The following MIPEP variants were observed in gnomAD, a reference collection of about 807,000 sequenced individuals.
MIPEP encodes mitochondrial intermediate peptidase.
A neutral mutation model predicts 90.3 loss-of-function variants in MIPEP; 79 were observed. The observed-to-expected ratio is 0.87, with a 90% CI of 0.73 to 1.05. The LOEUF (loss-of-function observed/expected upper bound fraction) is 1.05. Among genes scored for constraint, MIPEP ranks in the 50% least tolerant of loss-of-function variants. The probability of loss-of-function intolerance (pLI) is 0.00; values close to 1 mark genes in which losing one functional copy is unlikely to be tolerated. For missense variants in MIPEP, 940 were observed against 905.6 expected (o/e 1.04, Z -0.49); for synonymous variants, 334 against 315.8 (o/e 1.06, Z -0.61).
At chr13:23,883,916 A>C (rs1169639275) in intron 2 of MIPEP, among the ~76,000 whole-genome samples, 1 of 152,148 alleles carries the variant, frequency 6.6e-6, no homozygotes, top group African/African-American at 2.4e-5. Context: ...GTACAACAGA[A>C]CTACTCAGAG....
chr13:23,834,198 C>A (rs945561577), intron 14 of MIPEP, among the ~76,000 whole-genome samples: 3 of 152,184 alleles, frequency 2.0e-5, no homozygotes, highest in Non-Finnish European at 4.4e-5. Flanking sequence ...CAGGCTCTAT[C>A]CGCACCCCCT....
chr13:23,753,311 T>C (rs947565242), intron 18 of MIPEP, among the ~76,000 whole-genome samples: 7 of 152,072 alleles, frequency 4.6e-5, no homozygotes, highest in African/African-American at 1.7e-4. Flanking sequence ...GCAAGGAAAT[T>C]AAGTGACTTT....
At chr13:23,776,714 A>T (rs566085380) in intron 16 of MIPEP, among the ~76,000 whole-genome samples, 1 of 152,212 alleles carries the variant, frequency 6.6e-6, no homozygotes, top group East Asian at 1.9e-4. Context: ...AAAGTAGAAT[A>T]AGCAAAATCA....
At chr13:23,860,124 A>C (rs1435180757) in intron 9 of MIPEP, among the ~76,000 whole-genome samples, 1 of 152,264 alleles carries the variant, frequency 6.6e-6, no homozygotes. Context: ...AGGGCAAGTG[A>C]CTCAACAATC....
intron 16 of MIPEP, among the ~76,000 whole-genome samples, chr13:23,766,671 T>G (rs1952594056): frequency 6.6e-6 from 1 of 152,208 alleles, no homozygotes. Context: ...ACTGACAGTT[T>G]ACCAAAACCC....
At chr13:23,873,149 T>C (rs1381378825) in intron 5 of MIPEP, among the ~76,000 whole-genome samples, 1 of 152,196 alleles carries the variant, frequency 6.6e-6, no homozygotes, top group Non-Finnish European at 1.5e-5. Flanking sequence ...GGCGTGAGGA[T>C]GAAGCCTTCA....
intron 5 of MIPEP, among the ~76,000 whole-genome samples, chr13:23,874,532 A>G (rs1254640760): frequency 1.3e-5 from 2 of 152,212 alleles, no homozygotes; most frequent in Non-Finnish European, 2.9e-5. Context: ...CCAATCTTCA[A>G]TGACATCAGC....
rs180687023 is a variant in MIPEP, at chr13:23,756,488, T to G, written c.2044+57A>C. On this transcript the variant is annotated intron_variant, in intron 18 of 18. Transcript: ENST00000382172. ...ATTTTCTTTAAATGAAAAAAACATA[T>G]GGAGAAAACATAAATCAGCTTTCAT... 1.1e-4 allele frequency: 175 copies of G among 1,538,032 alleles called. 5 individuals are homozygous for G. In the East Asian group the frequency reaches 2.7e-3, roughly 24 times the overall value.
chr13:23,883,464 C>A (rs951141348), intron 2 of MIPEP, among the ~76,000 whole-genome samples: 2 of 152,116 alleles, frequency 1.3e-5, no homozygotes, highest in African/African-American at 4.8e-5. Flanking sequence ...CCCACAGATA[C>A]CCGAATCCAC....
chr13:23,885,469 A>C (rs1871435271), intron 2 of MIPEP, among the ~76,000 whole-genome samples: 1 of 152,200 alleles, frequency 6.6e-6, no homozygotes, highest in South Asian at 2.1e-4. Context: ...TGTAACAGAA[A>C]GGATAAATGC....
intron 17 of MIPEP, among the ~76,000 whole-genome samples, chr13:23,758,586 A>G (rs1194691206): frequency 6.6e-6 from 1 of 152,240 alleles, no homozygotes; most frequent in Non-Finnish European, 1.5e-5. Flanking sequence ...AAACTGATTT[A>G]CTGATGTCAA....
Position 23,886,431 on chromosome 13 carries a change from C to G in MIPEP, c.265G>C (p.Glu89Gln), listed in dbSNP as rs1871485725. ...GAACATGCACGGTCCACAAGCAATT[C>G]TGTCTTTCTCAAGGCTTTTTCTTGT... Reference protein sequence around the residue: ...IAQEKALRKTELLVDRACSTP... With the variant: ...IAQEKALRKTQLLVDRACSTP... The change falls in exon 2 of 19, where the codon GAA becomes CAA. Residue 89 changes from glutamate (E) to glutamine (Q), a missense_variant. Glu to Gln is a conservative substitution (Grantham distance 29). Coordinates refer to ENST00000382172, the MANE Select transcript of MIPEP (RefSeq NM_005932.4). The G allele has an allele frequency of 8.1e-6, 13 of 1,608,156 alleles. No individual in the cohort carries two copies. In the South Asian group the frequency reaches 1.4e-4, roughly 18 times the overall value.
intron 16 of MIPEP, among the ~76,000 whole-genome samples, chr13:23,799,088 C>T (rs1194505512): frequency 1.4e-5 from 2 of 141,168 alleles, no homozygotes; most frequent in African/African-American, 2.6e-5. Context: ...ACTGCAACTG[C>T]CACCTCCCAG....
At chr13:23,862,248 G>T in intron 9 of MIPEP, 54 bp downstream of exon 9, 1 of 1,066,718 alleles carries the variant, frequency 9.4e-7, no homozygotes, top group Middle Eastern at 2.1e-4. Context: ...AAAAGATATT[G>T]ATTTCAGTTG....
Position 23,888,508 on chromosome 13 carries a change from C to G in MIPEP, c.189+624G>C, listed in dbSNP as rs547009115. Among the ~76,000 whole-genome samples, 7 of 152,292 alleles carry G rather than the reference C, an allele frequency of 4.6e-5. No homozygotes were observed. In the East Asian group the frequency reaches 1.4e-3, roughly 29 times the overall value. ...TGCCTTCCTCTCACCTTTCACTAGA[C>G]AACGCAGGCTAGTGACTTCCTGGGG... On this transcript the variant is annotated intron_variant, in intron 1 of 18. Transcript: ENST00000382172.
chr13:23,836,392 T>C (rs1869050177), intron 13 of MIPEP, 43 bp from the exon 14 acceptor site: 2 of 1,183,554 alleles, frequency 1.7e-6, no homozygotes, highest in Admixed American at 2.5e-5. Context: ...ATCAAATCAA[T>C]ATATTTATCT....
At chr13:23,790,862 G>A (rs987539352) in intron 16 of MIPEP, among the ~76,000 whole-genome samples, 8 of 152,126 alleles carry the variant, frequency 5.3e-5, no homozygotes, top group Admixed American at 2.0e-4. Context: ...CTGGCCTCTC[G>A]ACTCCTTGAC....
intron 4 of MIPEP, 118 bp from the exon 5 acceptor site, chr13:23,875,027 A>AACACAC (rs10595689): frequency 0.027 from 10,791 of 398,474 alleles, 53 homozygotes; most frequent in Non-Finnish European, 0.031. Context: ...GTTTCTTCAA[A>AACACAC]ACACACACAC....
At chr13:23,868,525 T>C (rs954055705) in intron 7 of MIPEP, among the ~76,000 whole-genome samples, 2 of 152,156 alleles carry the variant, frequency 1.3e-5, no homozygotes, top group South Asian at 2.1e-4. Flanking sequence ...GTGAGTGGAA[T>C]GTCTAACCAG....
Sources: allele counts gnomAD v4.1 joint callset (sites outside exome capture counted in the v4.1 genomes callset), GRCh38; gene constraint gnomAD v4.1.1; transcripts MANE v1.5; gene names NCBI Gene and HGNC (gene_info 2026-07-23, HGNC 2026-07-21).